NRG1: variants seen among roughly 807,000 people sequenced by gnomAD.
The protein encoded by NRG1 is pro-neuregulin-1, membrane-bound isoform.
NRG1 carries 18 observed loss-of-function variants against 63.8 expected under a neutral mutation model. The ratio of observed to expected loss-of-function variants is 0.28; its 90% CI spans 0.19 to 0.42. NRG1 has a LOEUF of 0.42. NRG1 is among the 10% of genes least tolerant of loss of function. The probability of loss-of-function intolerance (pLI) is 1.00; values close to 1 mark genes in which losing one functional copy is unlikely to be tolerated. For synonymous variants in NRG1, 302 were observed against 301.3 expected, an observed-to-expected ratio of 1.00 and a Z score of -0.02; for missense variants, 762 against 814.7, an observed-to-expected ratio of 0.94 and a Z score of 0.79.
chr8:32,469,359 C>T (rs894184108), intron 1 of NRG1, among the ~76,000 whole-genome samples: 3 of 152,188 alleles, frequency 2.0e-5, no homozygotes, highest in African/African-American at 7.2e-5. Context: ...AACAAGCACA[C>T]TGGGACTGTC....
chr8:32,385,747 G>A (rs1316510211), intron 1 of NRG1, among the ~76,000 whole-genome samples: 1 of 151,988 alleles, frequency 6.6e-6, no homozygotes, highest in Non-Finnish European at 1.5e-5. Context: ...TTCAACACTG[G>A]GAATTACAAT....
At chr8:32,401,211 C>A (rs543143118) in intron 1 of NRG1, among the ~76,000 whole-genome samples, 5 of 151,646 alleles carry the variant, frequency 3.3e-5, no homozygotes, top group Non-Finnish European at 7.4e-5. Context: ...ATTACCTGGG[C>A]GATGAAATAA....
intron 1 of NRG1, among the ~76,000 whole-genome samples, chr8:32,067,185 T>C (rs1278312829): frequency 6.6e-6 from 1 of 152,150 alleles, no homozygotes; most frequent in Non-Finnish European, 1.5e-5. Context: ...TTTATTTCCT[T>C]CTCCTGTCTG....
intron 1 of NRG1, among the ~76,000 whole-genome samples, chr8:32,283,341 A>G (rs1050076529): frequency 6.6e-6 from 1 of 152,174 alleles, no homozygotes; most frequent in African/African-American, 2.4e-5. Context: ...CATTACTGAT[A>G]TGACTTCTAA....
chr8:31,933,627 A>C (rs1835046235), intron 1 of NRG1, among the ~76,000 whole-genome samples: 1 of 152,212 alleles, frequency 6.6e-6, no homozygotes, highest in Non-Finnish European at 1.5e-5. Context: ...ACAGAGAGAG[A>C]ATATACATTA....
chr8:32,168,709 G>A (rs1168307297), intron 1 of NRG1, among the ~76,000 whole-genome samples: 1 of 152,120 alleles, frequency 6.6e-6, no homozygotes, highest in African/African-American at 2.4e-5. Context: ...CCTTTTTGGA[G>A]GAAGAGGAAA....
chr8:31,821,464 T>C (rs1475470969), intron 1 of NRG1, among the ~76,000 whole-genome samples: 1 of 152,180 alleles, frequency 6.6e-6, no homozygotes, highest in Non-Finnish European at 1.5e-5. Context: ...ATAGTTCTAC[T>C]CCCACTTTGG....
chr8:31,683,238 C>T (rs773455313), intron 1 of NRG1, among the ~76,000 whole-genome samples: 1 of 152,120 alleles, frequency 6.6e-6, no homozygotes, highest in Non-Finnish European at 1.5e-5. Flanking sequence ...AAAACATGCA[C>T]ATGGATGTTT....
intron 1 of NRG1, among the ~76,000 whole-genome samples, chr8:32,264,574 G>A (rs1232879762): frequency 6.6e-6 from 1 of 152,196 alleles, no homozygotes; most frequent in East Asian, 1.9e-4. Context: ...AAAAAGACGG[G>A]AGGGACATTT....
intron 1 of NRG1, among the ~76,000 whole-genome samples, chr8:31,717,424 A>C (rs781771690): frequency 2.8e-4 from 42 of 151,750 alleles, no homozygotes; most frequent in South Asian, 6.3e-4. Context: ...AAAAAAAAAA[A>C]AAAAAGAAAA....
At chr8:32,445,439 C>A (rs1820120974) in intron 1 of NRG1, among the ~76,000 whole-genome samples, 1 of 152,110 alleles carries the variant, frequency 6.6e-6, no homozygotes, top group Non-Finnish European at 1.5e-5. Context: ...AAGTGAATTT[C>A]CCCTAAGAAT....
intron 1 of NRG1, among the ~76,000 whole-genome samples, chr8:31,856,607 T>G (rs1827899903): frequency 6.6e-6 from 1 of 152,238 alleles, no homozygotes. Flanking sequence ...CCTTCTTCTC[T>G]CCGCTCGTCA....
chr8:32,623,183 C>G (rs986785006), intron 5 of NRG1, among the ~76,000 whole-genome samples: 2 of 152,128 alleles, frequency 1.3e-5, no homozygotes, highest in Non-Finnish European at 2.9e-5. Context: ...AGAATGGTTT[C>G]ACTTGGGAAT....
At chr8:32,321,227 C>A (rs189964508) in intron 1 of NRG1, among the ~76,000 whole-genome samples, 2 of 152,216 alleles carry the variant, frequency 1.3e-5, no homozygotes, top group African/African-American at 4.8e-5. Context: ...CCTCGTAAAT[C>A]ACTAAGACAA....
In NRG1 at chr8:32,683,884, C is replaced by T. The variant is rs1211267388; in HGVS notation, c.503-44065C>T. The stretch of plus-strand genomic sequence containing the variant: ...AACCCTGAGCTCTTCTAATTTGCTT[C>T]TTGAAAAAAAAAAAAAAAAAGAAAA... On this transcript the variant is annotated intron_variant, in intron 5 of 11. Transcript: ENST00000356819. 4.5e-3 allele frequency among the ~76,000 whole-genome samples: 589 copies of T among 131,246 alleles called. 3 individuals are homozygous for T. The highest frequency in any genetic ancestry group is 0.017 in the African/African-American group (567 of 32,596). The allele number at this position is 131,246 out of a possible 152,430, so 86.1% of individuals were successfully genotyped here.
Position 32,369,259 on chromosome 8 carries a change from C to T in NRG1, c.38-226569C>T, listed in dbSNP as rs773850553. 1.1e-4 allele frequency among the ~76,000 whole-genome samples: 17 copies of T among 152,210 alleles called. No individual in the cohort carries two copies. In the South Asian group the frequency reaches 1.5e-3, roughly 13 times the overall value. The stretch of plus-strand genomic sequence containing the variant: ...CTCTCCTTTCCTATTACTGGAGAGC[C>T]GCTTCCTCTCTTCACTCATTCATTG... On this transcript the variant is annotated intron_variant, in intron 1 of 10. Transcript: ENST00000519301.
chr8:32,706,270 T>C (rs902337676), intron 5 of NRG1, among the ~76,000 whole-genome samples: 16 of 152,222 alleles, frequency 1.1e-4, no homozygotes, highest in African/African-American at 3.9e-4. Flanking sequence ...TAATTATATT[T>C]ACAAACAGAT....
intron 1 of NRG1, among the ~76,000 whole-genome samples, chr8:32,159,463 A>G (rs1230736609): frequency 1.4e-5 from 2 of 147,972 alleles, no homozygotes; most frequent in East Asian, 2.0e-4. Context: ...GAACCCAGGA[A>G]GCGGTGCTTG....
At chr8:32,656,644 T>G (rs1801559075) in intron 5 of NRG1, among the ~76,000 whole-genome samples, 1 of 152,198 alleles carries the variant, frequency 6.6e-6, no homozygotes, top group African/African-American at 2.4e-5. Context: ...TTTGTTCATC[T>G]TGATTGTTAT....
Sources: allele counts gnomAD v4.1 joint callset (sites outside exome capture counted in the v4.1 genomes callset), GRCh38; gene constraint gnomAD v4.1.1; transcripts MANE v1.5; gene names NCBI Gene and HGNC (gene_info 2026-07-23, HGNC 2026-07-21).